PRRC2B: variants seen among roughly 807,000 people sequenced by gnomAD.
PRRC2B encodes the protein proline rich coiled-coil 2B.
A neutral mutation model predicts 242.3 loss-of-function variants in PRRC2B; 68 were observed. That is an observed-to-expected ratio of 0.28 (90% CI 0.23 to 0.34). PRRC2B has a LOEUF of 0.34. Among genes scored for constraint, PRRC2B ranks in the 10% least tolerant of loss-of-function variants. PRRC2B has a pLI of 1.00. For synonymous variants in PRRC2B, 1,228 were observed against 1,173.6 expected, an observed-to-expected ratio of 1.05 and a Z score of -0.95; for missense variants, 2,835 against 2,954.8, an observed-to-expected ratio of 0.96 and a Z score of 0.94.
chr9:131,495,594 C>G, intron 31 of PRRC2B, 146 bp from the exon 32 acceptor site: 1 of 879,790 alleles, frequency 1.1e-6, no homozygotes, highest in South Asian at 1.7e-5. Context: ...AGGGGGGTTT[C>G]TAAGTCTGGT....
Position 131,470,197 on chromosome 9 carries a change from C to T in PRRC2B, c.1912-591C>T, listed in dbSNP as rs561381875. 9.2e-5 allele frequency among the ~76,000 whole-genome samples: 14 copies of T among 152,278 alleles called. No individual in the cohort carries two copies. In the South Asian group the frequency reaches 2.5e-3, roughly 27 times the overall value. ...GAGAGGCAGACTGGGCAAAGTCACA[C>T]GGGACCCAACCCTCACTGTAACACC... On this transcript the variant is annotated intron_variant, in intron 13 of 31. Coordinates refer to ENST00000683519, the MANE Select transcript of PRRC2B (RefSeq NM_013318.4).
chr9:131,495,466 T>C (rs997731538), intron 31 of PRRC2B, among the ~76,000 whole-genome samples: 1 of 152,194 alleles, frequency 6.6e-6, no homozygotes, highest in African/African-American at 2.4e-5. Flanking sequence ...CGCCCTGGGA[T>C]GTGCCATCGC....
chr9:131,441,972 G>A (rs1838597337), intron 5 of PRRC2B, among the ~76,000 whole-genome samples: 1 of 50,698 alleles, frequency 2.0e-5, no homozygotes, highest in African/African-American at 6.3e-5. Flanking sequence ...CTGGTATTTT[G>A]GTGTGAGATT....
intron 1 of PRRC2B, among the ~76,000 whole-genome samples, chr9:131,404,166 A>G (rs1443677375): frequency 6.6e-6 from 1 of 152,112 alleles, no homozygotes; most frequent in Non-Finnish European, 1.5e-5. Context: ...CAGGTGTGTA[A>G]AAGAAGAAAA....
At chr9:131,403,857 C>G (rs1252542565) in intron 1 of PRRC2B, among the ~76,000 whole-genome samples, 1 of 152,000 alleles carries the variant, frequency 6.6e-6, no homozygotes, top group Non-Finnish European at 1.5e-5. Flanking sequence ...TATTGTATTG[C>G]AACTTGGCAT....
At chr9:131,424,969 A>G (rs1837940293) in intron 1 of PRRC2B, among the ~76,000 whole-genome samples, 1 of 152,018 alleles carries the variant, frequency 6.6e-6, no homozygotes, top group South Asian at 2.1e-4. Context: ...TGTTTGGGCG[A>G]GGTTTTTTGT....
intron 4 of PRRC2B, among the ~76,000 whole-genome samples, 174 bp downstream of exon 4, chr9:131,436,896 G>A (rs1046883181): frequency 2.6e-5 from 4 of 152,182 alleles, no homozygotes; most frequent in African/African-American, 9.7e-5. Flanking sequence ...AACCGTCAAG[G>A]TCAGTGGTTA....
At chr9:131,420,478 T>TTTCC (rs1491091546) in intron 1 of PRRC2B, among the ~76,000 whole-genome samples, 6 of 15,706 alleles carry the variant, frequency 3.8e-4, no homozygotes, top group African/African-American at 7.3e-4. Context: ...TCTTTCTTTC[T>TTTCC]TTCTTTCTTT....
chr9:131,396,307 T>C (rs1166269842), intron 1 of PRRC2B, among the ~76,000 whole-genome samples: 1 of 150,662 alleles, frequency 6.6e-6, no homozygotes, highest in East Asian at 1.9e-4. Flanking sequence ...TTCCCTTCCT[T>C]CTTTTTTCTT....
rs878857121 is a variant in PRRC2B, at chr9:131,473,853, C to T, written c.2324+129C>T. On this transcript the variant is annotated intron_variant, in intron 15 of 31. Transcript: ENST00000683519. ...GGGAGACGTGCTCCTTGAAGGGACT[C>T]CTGGTTCCTCTGGGGAAGGAGAGTG... is the stretch of plus-strand genomic sequence containing the variant. 9.0e-6 allele frequency: 6 copies of T among 663,872 alleles called. No homozygotes were observed. The African/African-American group carries it at 9.1e-5, about 10-fold the overall frequency. The allele number at this position is 663,872 out of a possible 1,614,324, so 41.1% of individuals were successfully genotyped here.
chr9:131,394,436 G>GCGCGGGGCTGCGGGGCTGGGAGGC (rs1390558354), intron 1 of PRRC2B, among the ~76,000 whole-genome samples, 173 bp downstream of exon 1: 2 of 146,402 alleles, frequency 1.4e-5, no homozygotes, highest in East Asian at 3.9e-4. Flanking sequence ...TTCCCGCCGG[G>GCGCGGGGCTGCGGGGCTGGGAGGC]CGCGGGGCTG....
At chr9:131,396,586 A>G (rs1321135192) in intron 1 of PRRC2B, among the ~76,000 whole-genome samples, 2 of 152,136 alleles carry the variant, frequency 1.3e-5, no homozygotes, top group Non-Finnish European at 2.9e-5. Context: ...TTGGCCTCCC[A>G]AAGTGCTGGG....
Position 131,487,632 on chromosome 9 carries a change from C to G in PRRC2B, c.5985-224C>G, listed in dbSNP as rs986482217. Among the ~76,000 whole-genome samples the G allele has an allele frequency of 3.9e-5, 6 of 152,210 alleles. No individual in the cohort carries two copies. The highest frequency in any genetic ancestry group is 6.5e-5 in the Admixed American group (1 of 15,284). On this transcript the variant is annotated intron_variant, in intron 27 of 31. Transcript: ENST00000683519. This position sits in a 1 kb window ranked among gnomAD's most constrained non-coding sequence, Gnocchi z 5.3. ...GCTGCCAGTCATTGTGGCTGATGTC[C>G]TGTGCCTCGTACAGCCTGGATGTCT...
At chr9:131,454,767 C>G (rs961168491) in intron 9 of PRRC2B, among the ~76,000 whole-genome samples, 3 of 152,132 alleles carry the variant, frequency 2.0e-5, no homozygotes, top group African/African-American at 7.2e-5. Context: ...TCCTGAGTAG[C>G]TAGTATTACA....
At chr9:131,417,484 A>G (rs779590640) in intron 1 of PRRC2B, among the ~76,000 whole-genome samples, 1 of 151,874 alleles carries the variant, frequency 6.6e-6, no homozygotes, top group Non-Finnish European at 1.5e-5. Context: ...TTCCCCTTTC[A>G]TGCAAGGTGC....
At chr9:131,467,284 C>G (rs1943424225) in intron 12 of PRRC2B, among the ~76,000 whole-genome samples, 1 of 152,184 alleles carries the variant, frequency 6.6e-6, no homozygotes, top group Non-Finnish European at 1.5e-5. Flanking sequence ...CACATCTCAG[C>G]TCTGCCACTG....
chr9:131,476,548 AC>A lies in PRRC2B; in HGVS notation c.4406+15del. ...TGAAAGTGAAAAGGTAAAACCAGAC[AC>A]CATCTGGGCCCTTTTTGTTGTTGTG... On this transcript the variant is annotated intron_variant, in intron 16 of 31. Transcript: ENST00000683519. The A allele has an allele frequency of 6.4e-7, 1 of 1,562,820 alleles. No individual in the cohort carries two copies. Among genetic ancestry groups the A allele is most frequent in the Non-Finnish European group, 8.7e-7 (1 of 1,154,724 alleles).
Position 131,487,251 on chromosome 9 carries a change from G to A in PRRC2B, c.5941G>A (p.Val1981Met). 5 of 1,613,120 alleles carry A rather than the reference G, an allele frequency of 3.1e-6. No homozygotes were observed. Among genetic ancestry groups the A allele is most frequent in the Non-Finnish European group, 4.2e-6 (5 of 1,179,506 alleles). ...GCTTGGACTGAGGGGTGGGCTTCCTGTGTCCCAGTCCCAGGAGATCTTCAG... is the reference window on the plus strand; with the variant it reads ...GCTTGGACTGAGGGGTGGGCTTCCTATGTCCCAGTCCCAGGAGATCTTCAG... ...AQLGLRGGLP[V>M]SQSQEIFSSL... The change falls in exon 27 of 32, where the codon GTG becomes ATG. Residue 1981 changes from valine (V) to methionine (M), a missense_variant. Physicochemically the swap from Val to Met is conservative, Grantham distance 21. This residue lies in a region of PRRC2B where 574 missense variants were observed against 626.0 expected (regional missense o/e 0.92). Coordinates refer to ENST00000683519, the MANE Select transcript of PRRC2B (RefSeq NM_013318.4). The surrounding 1 kb of genome is among the most constrained non-coding windows in gnomAD (Gnocchi z 5.3).
At chr9:131,393,477 G>A (rs1836940439), upstream of PRRC2B, among the ~76,000 whole-genome samples, 1 of 152,186 alleles carries the variant, frequency 6.6e-6, no homozygotes, top group Non-Finnish European at 1.5e-5. Context: ...CTCAAGAGGA[G>A]GGGCTTATTA....
Sources: gnomAD v4.1 joint callset for allele counts (sites outside exome capture counted in the v4.1 genomes callset) on GRCh38, gnomAD v4.1.1 for gene constraint, gnomAD v4.1.1 regional missense constraint, Gnocchi (gnomAD v3.1) non-coding constraint, MANE v1.5 for transcripts, NCBI Gene and HGNC (gene_info 2026-07-23, HGNC 2026-07-21) for gene names.